The following EFCAB8 variants were observed in gnomAD, a reference collection of about 807,000 sequenced individuals.
The protein encoded by EFCAB8 is EF-hand calcium-binding domain-containing protein 8.
EFCAB8 carries 100 observed loss-of-function variants against 116.3 expected under a neutral mutation model. That is an observed-to-expected ratio of 0.86 (90% CI 0.73 to 1.02). The LOEUF (loss-of-function observed/expected upper bound fraction) is 1.02. Ranked by LOEUF, EFCAB8 falls within the 50% of genes least tolerant of loss-of-function variation. The pLI is 0.00. For missense variants in EFCAB8, 1,320 were observed against 1,416.9 expected, an observed-to-expected ratio of 0.93 and a Z score of 1.10; for synonymous variants, 558 against 567.9, an observed-to-expected ratio of 0.98 and a Z score of 0.25.
At chr20:32,939,198 T>TC in intron 22 of EFCAB8, among the ~76,000 whole-genome samples, 1 of 74,812 alleles carries the variant, frequency 1.3e-5, no homozygotes, top group Non-Finnish European at 2.8e-5. Flanking sequence ...TTTCTTTCTT[T>TC]CTTTCCTCTC....
intron 16 of EFCAB8, 80 bp from the exon 17 acceptor site, chr20:32,912,714 C>A: frequency 1.4e-6 from 1 of 704,756 alleles, no homozygotes. Context: ...TCTTGCTTGG[C>A]ACCTTTAGGA....
chr20:32,886,493 C>G (rs1391988057), intron 6 of EFCAB8, among the ~76,000 whole-genome samples: 1 of 152,166 alleles, frequency 6.6e-6, no homozygotes, highest in African/African-American at 2.4e-5. Flanking sequence ...GCCTGTGTAA[C>G]TGCAGAGTGA....
intron 3 of EFCAB8, among the ~76,000 whole-genome samples, chr20:32,871,435 A>C (rs1015490347): frequency 1.3e-5 from 2 of 151,910 alleles, no homozygotes; most frequent in South Asian, 4.2e-4. Context: ...TACCACATCC[A>C]GCTAATTTTT....
chr20:32,888,737 C>G (rs1236321225), intron 6 of EFCAB8, among the ~76,000 whole-genome samples: 2 of 152,024 alleles, frequency 1.3e-5, no homozygotes, highest in Non-Finnish European at 2.9e-5. Flanking sequence ...CTTGGCAGCT[C>G]TTTATTGGCA....
intron 20 of EFCAB8, 133 bp downstream of exon 20, chr20:32,920,348 G>A: frequency 8.3e-7 from 1 of 1,203,478 alleles, no homozygotes; most frequent in South Asian, 1.6e-5. Context: ...AAGGCATCTT[G>A]GAGAGGATGG....
At chr20:32,930,115 A>C (rs146497319) in intron 20 of EFCAB8, among the ~76,000 whole-genome samples, 2 of 152,220 alleles carry the variant, frequency 1.3e-5, no homozygotes, top group Non-Finnish European at 2.9e-5. Context: ...TTCATTTGAT[A>C]AACATTTATT....
At chr20:32,928,480 C>G (rs1400831361) in intron 20 of EFCAB8, among the ~76,000 whole-genome samples, 1 of 152,150 alleles carries the variant, frequency 6.6e-6, no homozygotes, top group East Asian at 1.9e-4. Flanking sequence ...CATGATCCAC[C>G]TGCCTCAGCC....
At chr20:32,955,577 A>G (rs1988940966) in intron 23 of EFCAB8, among the ~76,000 whole-genome samples, 1 of 152,142 alleles carries the variant, frequency 6.6e-6, no homozygotes, top group Non-Finnish European at 1.5e-5. Flanking sequence ...CAAATTATCT[A>G]AAAAACATGC....
intron 11 of EFCAB8, among the ~76,000 whole-genome samples, 183 bp downstream of exon 11, chr20:32,898,806 A>T (rs1986289281): frequency 6.6e-6 from 1 of 152,184 alleles, no homozygotes; most frequent in South Asian, 2.1e-4. Context: ...CCCAATCTAT[A>T]TGCAAAACTC....
intron 23 of EFCAB8, among the ~76,000 whole-genome samples, chr20:32,957,543 T>C (rs1465974652): frequency 2.6e-4 from 40 of 152,120 alleles, no homozygotes; most frequent in Admixed American, 2.6e-3. Flanking sequence ...TGTTTCAGGC[T>C]CCTCCTTCAG....
chr20:32,917,631 G>A lies in EFCAB8; in HGVS notation c.2061+126G>A, dbSNP rs1012087659. Reference sequence around the variant, plus strand: ...GATGATGGCGACTTGTTCTGGATGGGGTGGGGAGCTTGGTTAGGTAGGTGG... The same window carrying A: ...GATGATGGCGACTTGTTCTGGATGGAGTGGGGAGCTTGGTTAGGTAGGTGG... On this transcript the variant is annotated intron_variant, in intron 18 of 26. Transcript: ENST00000400522. 1.2e-5 allele frequency: 13 copies of A among 1,097,554 alleles called. No individual in the cohort carries two copies. In the East Asian group the frequency reaches 2.3e-4, roughly 20 times the overall value. The allele number at this position is 1,097,554 out of a possible 1,614,324, so 68.0% of individuals were successfully genotyped here. A position where few individuals can be genotyped will look rare whatever the true frequency, so the allele number is the denominator to read the frequency against.
chr20:32,935,192 C>CTTTTTTTTTTTTTTTTTTTTTT (rs753039647), intron 22 of EFCAB8, among the ~76,000 whole-genome samples: 17 of 34,046 alleles, frequency 5.0e-4, no homozygotes, highest in East Asian at 1.9e-3. Flanking sequence ...TTCTTTCTTT[C>CTTTTTTTTTTTTTTTTTTTTTT]TTTTTTTTTT....
chr20:32,932,204 C>T (rs1185261797), intron 22 of EFCAB8, among the ~76,000 whole-genome samples: 1 of 152,074 alleles, frequency 6.6e-6, no homozygotes, highest in Non-Finnish European at 1.5e-5. Flanking sequence ...CCTGGTGAAA[C>T]CCTGTCTACT....
chr20:32,884,206 C>G (rs1985492407), intron 5 of EFCAB8, among the ~76,000 whole-genome samples: 1 of 152,224 alleles, frequency 6.6e-6, no homozygotes, highest in South Asian at 2.1e-4. Flanking sequence ...TAATTACCTT[C>G]ATGAAAGAGT....
In EFCAB8 at chr20:32,872,107, G is replaced by T. The variant is rs895690638; in HGVS notation, c.209-3819G>T. On this transcript the variant is annotated intron_variant, in intron 3 of 26. Coordinates refer to ENST00000400522, the MANE Select transcript of EFCAB8 (RefSeq NM_001143967.2). ...TCTTCAGGCTTTCCATTTATTCCTT[G>T]ATCCAGCAACAAATATAATAATAAT... Among the ~76,000 whole-genome samples, 18 of 152,158 alleles carry T rather than the reference G, an allele frequency of 1.2e-4. 1 individual carries two copies. Among genetic ancestry groups the T allele is most frequent in the Admixed American group, 9.8e-4 (15 of 15,274 alleles).
At chr20:32,955,249 A>G (rs1317614196) in intron 23 of EFCAB8, among the ~76,000 whole-genome samples, 1 of 152,228 alleles carries the variant, frequency 6.6e-6, no homozygotes, top group Admixed American at 6.5e-5. Context: ...ATTTGTAACA[A>G]GTGATCCCTG....
chr20:32,859,958 C>G (rs1029945934), intron 1 of EFCAB8, among the ~76,000 whole-genome samples: 2 of 152,188 alleles, frequency 1.3e-5, no homozygotes, highest in African/African-American at 4.8e-5. Flanking sequence ...TGTTGGGTCT[C>G]TTGAGTCACC....
intron 4 of EFCAB8, among the ~76,000 whole-genome samples, chr20:32,877,568 G>A (rs6058925): frequency 0.41 from 62,195 of 152,106 alleles, 15,149 homozygotes; most frequent in Non-Finnish European, 0.55. Flanking sequence ...GAGGCCAACT[G>A]AAAGAAAAAG....
chr20:32,912,430 CA>C (rs762528188), intron 16 of EFCAB8, among the ~76,000 whole-genome samples: 119 of 81,610 alleles, frequency 1.5e-3, no homozygotes, highest in Admixed American at 3.2e-3. Flanking sequence ...GAAACTCTGT[CA>C]AAAAAAAAAA....
Sources: allele counts gnomAD v4.1 joint callset (sites outside exome capture counted in the v4.1 genomes callset), GRCh38; gene constraint gnomAD v4.1.1; transcripts MANE v1.5; gene names NCBI Gene and HGNC (gene_info 2026-07-23, HGNC 2026-07-21).